Variants in HTR4 observed in about 807,000 individuals in gnomAD.
HTR4 encodes 5-hydroxytryptamine (serotonin) receptor 4, G protein-coupled.
HTR4 carries 16 observed loss-of-function variants against 36.8 expected under a neutral mutation model. The observed-to-expected ratio is 0.43, with a 90% CI of 0.29 to 0.66. HTR4 has a LOEUF of 0.66. HTR4 is among the 30% of genes least tolerant of loss of function. The pLI is 0.13. For missense variants in HTR4, 438 were observed against 490.9 expected, an observed-to-expected ratio of 0.89 and a Z score of 1.02; for synonymous variants, 189 against 185.1, an observed-to-expected ratio of 1.02 and a Z score of -0.17.
chr5:148,503,992 A>G (rs966805232), intron 6 of HTR4, among the ~76,000 whole-genome samples: 2 of 152,240 alleles, frequency 1.3e-5, no homozygotes, highest in Non-Finnish European at 2.9e-5. Flanking sequence ...AGATTCAAAA[A>G]GCAAGTCCTT....
intron 1 of HTR4, among the ~76,000 whole-genome samples, chr5:148,648,001 A>C (rs1274393555): frequency 6.6e-6 from 1 of 152,182 alleles, no homozygotes; most frequent in African/African-American, 2.4e-5. Context: ...AATAAGAAAC[A>C]ACAACTTTGC....
chr5:148,585,194 C>A (rs892135654), intron 2 of HTR4, among the ~76,000 whole-genome samples: 16 of 152,078 alleles, frequency 1.1e-4, no homozygotes, highest in Non-Finnish European at 2.2e-4. Context: ...ATTGCAAGCC[C>A]TCAGTATATG....
chr5:148,606,671 T>G (rs950370685), intron 2 of HTR4, among the ~76,000 whole-genome samples: 1 of 152,242 alleles, frequency 6.6e-6, no homozygotes, highest in African/African-American at 2.4e-5. Flanking sequence ...TATTCAACTC[T>G]GTATGATGGT....
chr5:148,542,794 T>G (rs1462924190), intron 4 of HTR4, among the ~76,000 whole-genome samples: 2 of 152,150 alleles, frequency 1.3e-5, no homozygotes, highest in Non-Finnish European at 2.9e-5. Flanking sequence ...TAGGGAAGAC[T>G]TGGGGATGAT....
chr5:148,577,496 T>C (rs766724307), intron 2 of HTR4, among the ~76,000 whole-genome samples: 2 of 152,148 alleles, frequency 1.3e-5, no homozygotes, highest in Non-Finnish European at 2.9e-5. Context: ...TAAATCATTC[T>C]ACCATAAAGA....
intron 5 of HTR4, among the ~76,000 whole-genome samples, chr5:148,467,749 C>T (rs1351747985): frequency 6.6e-6 from 1 of 152,106 alleles, no homozygotes; most frequent in Non-Finnish European, 1.5e-5. Flanking sequence ...TGGCTGTTTG[C>T]ATTTTTCACT....
intron 6 of HTR4, among the ~76,000 whole-genome samples, chr5:148,505,037 G>A (rs957179835): frequency 2.6e-5 from 4 of 152,144 alleles, no homozygotes; most frequent in African/African-American, 9.7e-5. Flanking sequence ...GGATCAGATG[G>A]ATTCACAGTC....
chr5:148,451,118 G>T, exon 6 of HTR4: 1 of 1,607,044 alleles, frequency 6.2e-7, no homozygotes, highest in Non-Finnish European at 8.5e-7. Context: ...CAGAAGTGAT[G>T]CCAGGGTGAC....
chr5:148,634,875 G>T (rs1027335847), intron 2 of HTR4, among the ~76,000 whole-genome samples: 1 of 152,028 alleles, frequency 6.6e-6, no homozygotes, highest in Admixed American at 6.6e-5. Flanking sequence ...CCTTATGTAG[G>T]CACTTTTCCA....
chr5:148,483,124 C>T lies in HTR4; in HGVS notation c.*79G>A. 6.3e-7 allele frequency: 1 copy of T among 1,599,744 alleles called. No homozygotes were observed. The highest frequency in any genetic ancestry group is 1.1e-5 in the South Asian group (1 of 89,600). On this transcript the variant is annotated 3_prime_UTR_variant, in exon 7 of 7. Coordinates refer to ENST00000377888, the MANE Select transcript of HTR4 (RefSeq NM_000870.7). Reference sequence around the variant, plus strand: ...CCTCAGGTGAAGAGAATACCGGGTGCAGTCGCGCACAAGCAGCAGCTTAGG... The same window carrying T: ...CCTCAGGTGAAGAGAATACCGGGTGTAGTCGCGCACAAGCAGCAGCTTAGG...
intron 2 of HTR4, among the ~76,000 whole-genome samples, chr5:148,585,978 TCAC>T (rs1384378042): frequency 6.6e-6 from 1 of 152,324 alleles, no homozygotes; most frequent in African/African-American, 2.4e-5. Context: ...TGGCATTCAT[TCAC>T]CATTTCAGCC....
chr5:148,567,860 T>C lies in HTR4; in HGVS notation c.27-17598A>G, dbSNP rs190948312. ...TTCCTGATGGTATGTATCTAACATA[T>C]TGTATATTTCTTTGTTTTCTAGTGT... On this transcript the variant is annotated intron_variant, in intron 2 of 6. Transcript: ENST00000377888. Among the ~76,000 whole-genome samples, 14 of 152,274 alleles carry C rather than the reference T, an allele frequency of 9.2e-5. No individual in the cohort carries two copies. In the East Asian group the frequency reaches 2.1e-3, roughly 23 times the overall value.
At chr5:148,627,773 T>C (rs1454800876) in intron 2 of HTR4, among the ~76,000 whole-genome samples, 1 of 152,240 alleles carries the variant, frequency 6.6e-6, no homozygotes, top group South Asian at 2.1e-4. Context: ...TCTGTTCCAA[T>C]TGAAAAAATG....
chr5:148,537,356 A>C (rs1405940323), intron 4 of HTR4, among the ~76,000 whole-genome samples: 11 of 152,314 alleles, frequency 7.2e-5, no homozygotes, highest in South Asian at 6.2e-4. Context: ...AATCAACCCC[A>C]AAAATAGCAG....
At position 148,550,355 on chromosome 5, in the gene HTR4, A is replaced by T; in HGVS notation, c.27-93T>A. 7 of 1,428,860 alleles carry T rather than the reference A, an allele frequency of 4.9e-6. No individual in the cohort carries two copies. The South Asian group carries it at 8.4e-5, about 17-fold the overall frequency. The allele number at this position is 1,428,860 out of a possible 1,614,324, so 88.5% of individuals were successfully genotyped here. A position where few individuals can be genotyped will look rare whatever the true frequency, so the allele number is the denominator to read the frequency against. On this transcript the variant is annotated intron_variant, in intron 2 of 6. Transcript: ENST00000377888. ...TTCATCATTGACCTTCAGAAAGGTAACTTCACCATCAGCTGATGACACATA... is the reference window on the plus strand; with the variant it reads ...TTCATCATTGACCTTCAGAAAGGTATCTTCACCATCAGCTGATGACACATA...
intron 2 of HTR4, among the ~76,000 whole-genome samples, chr5:148,563,360 G>C (rs1760299617): frequency 6.6e-6 from 1 of 152,204 alleles, no homozygotes; most frequent in African/African-American, 2.4e-5. Flanking sequence ...TCTCTGCAGA[G>C]AGGACTTATT....
chr5:148,545,363 A>G (rs558683364), intron 4 of HTR4, among the ~76,000 whole-genome samples: 1 of 152,390 alleles, frequency 6.6e-6, no homozygotes, highest in Admixed American at 6.5e-5. Context: ...CAAATACCTA[A>G]ATAAGTATTT....
At chr5:148,459,125 A>T (rs568368340) in intron 5 of HTR4, among the ~76,000 whole-genome samples, 2 of 152,196 alleles carry the variant, frequency 1.3e-5, no homozygotes, top group East Asian at 3.9e-4. Flanking sequence ...TGATGCATTG[A>T]CTGTAGGGGC....
intron 2 of HTR4, among the ~76,000 whole-genome samples, chr5:148,578,334 A>G (rs1374495865): frequency 1.3e-5 from 2 of 152,096 alleles, no homozygotes; most frequent in Non-Finnish European, 2.9e-5. Flanking sequence ...CAAATATTTC[A>G]GTAAACTTAA....
Sources: allele counts gnomAD v4.1 joint callset (sites outside exome capture counted in the v4.1 genomes callset), GRCh38; gene constraint gnomAD v4.1.1; transcripts MANE v1.5; gene names NCBI Gene and HGNC (gene_info 2026-07-23, HGNC 2026-07-21).